Variants in PRKN observed in about 807,000 individuals in gnomAD.
PRKN encodes the protein E3 ubiquitin-protein ligase parkin.
In PRKN, 56 loss-of-function variants were observed where a neutral mutation model predicts 59.5. That is an observed-to-expected ratio of 0.94 (90% CI 0.76 to 1.18). The LOEUF is 1.18. PRKN is among the 50% of genes most tolerant of loss of function. The pLI is 0.00. For missense variants in PRKN, 657 were observed against 596.4 expected, an observed-to-expected ratio of 1.10 and a Z score of -1.06; for synonymous variants, 250 against 222.1, an observed-to-expected ratio of 1.13 and a Z score of -1.12.
At chr6:162,323,088 G>A (rs1379307949) in intron 2 of PRKN, among the ~76,000 whole-genome samples, 1 of 117,610 alleles carries the variant, frequency 8.5e-6, no homozygotes, top group East Asian at 3.1e-4. Context: ...GGGGGAGGGG[G>A]GAGGGATAGC....
chr6:162,346,416 G>C (rs1784405544), intron 2 of PRKN, among the ~76,000 whole-genome samples: 1 of 143,112 alleles, frequency 7.0e-6, no homozygotes, highest in South Asian at 2.2e-4. Flanking sequence ...AGGAGTTCGA[G>C]ACCAGCCTGG....
chr6:161,853,901 T>C (rs540221453), intron 6 of PRKN, among the ~76,000 whole-genome samples: 1 of 152,150 alleles, frequency 6.6e-6, no homozygotes, highest in African/African-American at 2.4e-5. Context: ...CAAGTGGCGC[T>C]GCAGTGAGAG....
intron 1 of PRKN, among the ~76,000 whole-genome samples, chr6:162,671,946 C>A (rs943922123): frequency 6.6e-6 from 1 of 151,846 alleles, no homozygotes; most frequent in Non-Finnish European, 1.5e-5. Context: ...ACCAGGGCTG[C>A]AGACTGTGAG....
chr6:161,535,091 C>T (rs1583200632), intron 9 of PRKN, among the ~76,000 whole-genome samples: 1 of 152,178 alleles, frequency 6.6e-6, no homozygotes, highest in Non-Finnish European at 1.5e-5. Context: ...ACAAAATAAT[C>T]AGCAGGTGTA....
chr6:162,114,650 A>G (rs1780588314), intron 4 of PRKN, among the ~76,000 whole-genome samples: 1 of 151,224 alleles, frequency 6.6e-6, no homozygotes, highest in Admixed American at 6.6e-5. Flanking sequence ...ATTTACAAGA[A>G]AAAAACAAAC....
chr6:162,236,798 A>T (rs1444215889), intron 3 of PRKN, among the ~76,000 whole-genome samples: 1 of 151,614 alleles, frequency 6.6e-6, no homozygotes, highest in Non-Finnish European at 1.5e-5. Context: ...CCATTTCGAA[A>T]AAAGAAAGAA....
At chr6:162,007,921 G>A (rs1484008341) in intron 5 of PRKN, among the ~76,000 whole-genome samples, 2 of 152,086 alleles carry the variant, frequency 1.3e-5, no homozygotes, top group African/African-American at 4.8e-5. Flanking sequence ...AGAATGAAAA[G>A]CTTTCATATT....
intron 1 of PRKN, among the ~76,000 whole-genome samples, chr6:162,604,189 C>T (rs1781816974): frequency 6.6e-6 from 1 of 152,174 alleles, no homozygotes; most frequent in Non-Finnish European, 1.5e-5. Flanking sequence ...CAAGTACCTG[C>T]TTTCATAAAT....
intron 7 of PRKN, among the ~76,000 whole-genome samples, chr6:161,604,498 G>C (rs1011038315): frequency 1.3e-5 from 2 of 152,128 alleles, no homozygotes; most frequent in East Asian, 3.9e-4. Flanking sequence ...AGGGCAGAAC[G>C]GGTGGCCAGA....
chr6:162,157,140 G>T (rs1782548034), intron 4 of PRKN, among the ~76,000 whole-genome samples: 1 of 151,458 alleles, frequency 6.6e-6, no homozygotes, highest in African/African-American at 2.4e-5. Context: ...CCAGTATTTT[G>T]TTTTTCCTAA....
intron 3 of PRKN, among the ~76,000 whole-genome samples, chr6:162,203,108 T>C (rs1004957345): frequency 1.3e-5 from 2 of 152,130 alleles, no homozygotes; most frequent in Non-Finnish European, 2.9e-5. Context: ...ATCTCAGAAA[T>C]TGCAGGAAAC....
At position 161,579,599 on chromosome 6, in the gene PRKN, A is replaced by G. The variant is rs1187602562; in HGVS notation, c.872-10183T>C. 6.6e-6 allele frequency among the ~76,000 whole-genome samples: 1 copy of G among 152,186 alleles called. No individual in the cohort carries two copies. Among genetic ancestry groups the G allele is most frequent in the Non-Finnish European group, 1.5e-5 (1 of 68,036 alleles). ...ATTCAGGCACTATTAAGTTTGGGAA[A>G]ATAAATCATATCCAAAACCAGTATT... is the stretch of plus-strand genomic sequence containing the variant. On this transcript the variant is annotated intron_variant, in intron 7 of 11. Transcript: ENST00000366898. This position sits in a 1 kb window ranked among gnomAD's most constrained non-coding sequence, Gnocchi z 4.2.
intron 4 of PRKN, among the ~76,000 whole-genome samples, chr6:162,180,751 A>G (rs760266204): frequency 6.6e-6 from 1 of 152,192 alleles, no homozygotes; most frequent in Non-Finnish European, 1.5e-5. Flanking sequence ...ACATAGCCTA[A>G]TTAGCTTTCA....
chr6:162,606,610 G>C (rs1286634962), intron 1 of PRKN, among the ~76,000 whole-genome samples: 1 of 152,212 alleles, frequency 6.6e-6, no homozygotes, highest in Non-Finnish European at 1.5e-5. Context: ...GGAAGATGGA[G>C]AGTCACAGAT....
At chr6:162,017,001 T>C (rs1178499384) in intron 5 of PRKN, among the ~76,000 whole-genome samples, 1 of 152,082 alleles carries the variant, frequency 6.6e-6, no homozygotes. Context: ...AACTCAAACA[T>C]CCGCCTCTCT....
intron 7 of PRKN, among the ~76,000 whole-genome samples, chr6:161,736,591 T>C (rs1787975440): frequency 6.6e-6 from 1 of 152,184 alleles, no homozygotes; most frequent in Non-Finnish European, 1.5e-5. Flanking sequence ...CTAATCTCCT[T>C]GTCAACCAGG....
At chr6:162,119,937 C>A (rs1484304884) in intron 4 of PRKN, among the ~76,000 whole-genome samples, 1 of 152,184 alleles carries the variant, frequency 6.6e-6, no homozygotes, top group Admixed American at 6.6e-5. Context: ...TGCAACTCAG[C>A]CCTATGACTA....
chr6:162,072,110 T>C (rs1259833999), intron 4 of PRKN, among the ~76,000 whole-genome samples: 1 of 152,116 alleles, frequency 6.6e-6, no homozygotes, highest in African/African-American at 2.4e-5. Context: ...AAGAGACTTT[T>C]GCACGTCAGG....
At chr6:161,885,007 T>C (rs1361630300) in intron 6 of PRKN, among the ~76,000 whole-genome samples, 2 of 151,858 alleles carry the variant, frequency 1.3e-5, no homozygotes, top group South Asian at 2.1e-4. Context: ...CTGTAGTTTA[T>C]AGACCCCTGG....
Sources: gnomAD v4.1 joint callset for allele counts (sites outside exome capture counted in the v4.1 genomes callset) on GRCh38, gnomAD v4.1.1 for gene constraint, Gnocchi (gnomAD v3.1) non-coding constraint, MANE v1.5 for transcripts, NCBI Gene and HGNC (gene_info 2026-07-23, HGNC 2026-07-21) for gene names.